The following PDZRN4 variants were observed in gnomAD, a reference collection of about 807,000 sequenced individuals.
The protein encoded by PDZRN4 is PDZ domain containing ring finger 4.
A neutral mutation model predicts 99.0 loss-of-function variants in PDZRN4; 70 were observed. The observed-to-expected ratio is 0.71, with a 90% CI of 0.58 to 0.86. The LOEUF is 0.86. PDZRN4 is among the 40% of genes least tolerant of loss of function. PDZRN4 has a pLI of 0.00. For synonymous variants in PDZRN4, 551 were observed against 501.6 expected (o/e 1.10, Z -1.32); for missense variants, 1,474 against 1,331.2 (o/e 1.11, Z -1.67).
intron 3 of PDZRN4, among the ~76,000 whole-genome samples, chr12:41,234,843 T>C (rs1237245628): frequency 2.0e-5 from 3 of 152,100 alleles, no homozygotes; most frequent in Admixed American, 6.6e-5. Context: ...TGTCTCAGCC[T>C]TCAAAGATGA....
intron 3 of PDZRN4, among the ~76,000 whole-genome samples, chr12:41,303,235 A>G (rs1951548781): frequency 6.6e-6 from 1 of 152,150 alleles, no homozygotes; most frequent in African/African-American, 2.4e-5. Flanking sequence ...CAGTAAAACC[A>G]CCAGTCAGAC....
chr12:41,276,249 G>A (rs868406828), intron 3 of PDZRN4, among the ~76,000 whole-genome samples: 1 of 152,080 alleles, frequency 6.6e-6, no homozygotes, highest in African/African-American at 2.4e-5. Flanking sequence ...TATGGAAGGT[G>A]GTGGGGAGAT....
intron 3 of PDZRN4, among the ~76,000 whole-genome samples, chr12:41,341,127 A>C (rs139190682): frequency 1.0e-3 from 156 of 151,360 alleles, no homozygotes; most frequent in African/African-American, 3.1e-3. Flanking sequence ...CAATAGATGC[A>C]GAGAAAGCAT....
chr12:41,529,434 G>C (rs1470658054), intron 5 of PDZRN4, among the ~76,000 whole-genome samples: 1 of 152,166 alleles, frequency 6.6e-6, no homozygotes, highest in African/African-American at 2.4e-5. Context: ...GAGCACTTTA[G>C]TGCTACCATA....
intron 3 of PDZRN4, among the ~76,000 whole-genome samples, chr12:41,229,272 C>T (rs909206639): frequency 6.6e-6 from 1 of 151,732 alleles, no homozygotes; most frequent in East Asian, 2.0e-4. Context: ...CACTATGGCA[C>T]ACCCCAGAAT....
intron 3 of PDZRN4, among the ~76,000 whole-genome samples, chr12:41,197,920 G>GTTTTTTTTTTTTTTTTTTTTTTTTT (rs533696414): frequency 1.5e-4 from 17 of 115,614 alleles, no homozygotes; most frequent in Admixed American, 3.9e-4. Flanking sequence ...TTTTTTCTGG[G>GTTTTTTTTTTTTTTTTTTTTTTTTT]TTTTTTTTTT....
rs760715435 is a variant in PDZRN4, at chr12:41,380,395, G to A, written c.844-126061G>A. On this transcript the variant is annotated intron_variant, in intron 3 of 9. Coordinates refer to ENST00000402685, the MANE Select transcript of PDZRN4 (RefSeq NM_001164595.2). ...TTTTGCTGATTGTTTTCTGACTGTC[G>A]TTAATTTCCTTGTTCCTTTCTTCTT... is the stretch of plus-strand genomic sequence containing the variant. Among the ~76,000 whole-genome samples, 9 of 152,044 alleles carry A rather than the reference G, an allele frequency of 5.9e-5. No individual in the cohort carries two copies. The South Asian group carries it at 1.0e-3, about 18-fold the overall frequency.
chr12:41,251,723 C>T (rs1209956507), intron 3 of PDZRN4, among the ~76,000 whole-genome samples: 1 of 152,148 alleles, frequency 6.6e-6, no homozygotes, highest in Admixed American at 6.6e-5. Context: ...TCCCCTCTTA[C>T]CTGAGTCATT....
chr12:41,367,628 A>C (rs1952011154), intron 3 of PDZRN4, among the ~76,000 whole-genome samples: 1 of 152,068 alleles, frequency 6.6e-6, no homozygotes, highest in African/African-American at 2.4e-5. Flanking sequence ...CTTCATGAAC[A>C]CTTTCACAAG....
At chr12:41,457,430 T>C (rs1457383745) in intron 3 of PDZRN4, among the ~76,000 whole-genome samples, 2 of 152,242 alleles carry the variant, frequency 1.3e-5, no homozygotes, top group African/African-American at 4.8e-5. Context: ...GTTGCTGGAA[T>C]TTTAAAGACG....
At chr12:41,197,926 T>TTTTTTTTTTTTTTTTTTTTTTTTTTTG (rs1566352706) in intron 3 of PDZRN4, among the ~76,000 whole-genome samples, 1 of 140,796 alleles carries the variant, frequency 7.1e-6, no homozygotes, top group Non-Finnish European at 1.5e-5. Context: ...CTGGGTTTTT[T>TTTTTTTTTTTTTTTTTTTTTTTTTTTG]TTTTTGGAGA....
At chr12:41,271,269 T>C (rs1374988437) in intron 3 of PDZRN4, among the ~76,000 whole-genome samples, 2 of 152,118 alleles carry the variant, frequency 1.3e-5, no homozygotes, top group Non-Finnish European at 2.9e-5. Context: ...TCCAAGTTTA[T>C]TGTTTTATGA....
intron 3 of PDZRN4, among the ~76,000 whole-genome samples, chr12:41,223,766 G>A (rs2120731429): frequency 6.6e-6 from 1 of 152,294 alleles, no homozygotes. Flanking sequence ...TTTCTCTGTG[G>A]AATGGCACTG....
At chr12:41,368,809 G>C (rs900339588) in intron 3 of PDZRN4, among the ~76,000 whole-genome samples, 5 of 152,116 alleles carry the variant, frequency 3.3e-5, no homozygotes, top group Admixed American at 2.6e-4. Flanking sequence ...CAAGTGAAGA[G>C]CAGTCTGGGG....
At chr12:41,464,732 A>T (rs2120545833) in intron 3 of PDZRN4, among the ~76,000 whole-genome samples, 1 of 152,206 alleles carries the variant, frequency 6.6e-6, no homozygotes, top group Non-Finnish European at 1.5e-5. Context: ...GACAATGAAG[A>T]CATTATGTGA....
intron 3 of PDZRN4, among the ~76,000 whole-genome samples, chr12:41,500,795 G>A (rs894014023): frequency 6.6e-6 from 1 of 152,104 alleles, no homozygotes; most frequent in African/African-American, 2.4e-5. Context: ...GATTGTATAT[G>A]ACAAGTGTTT....
At chr12:41,281,176 C>T (rs1461446717) in intron 3 of PDZRN4, among the ~76,000 whole-genome samples, 1 of 151,428 alleles carries the variant, frequency 6.6e-6, no homozygotes, top group East Asian at 1.9e-4. Context: ...TCAACATCAA[C>T]AAAACAGATG....
intron 5 of PDZRN4, among the ~76,000 whole-genome samples, chr12:41,546,597 T>C (rs759376539): frequency 4.6e-5 from 7 of 152,198 alleles, no homozygotes; most frequent in Non-Finnish European, 7.3e-5. Flanking sequence ...CTTGTGTTTT[T>C]CAGTTTCCTA....
chr12:41,188,846 G>C lies in PDZRN4; in HGVS notation c.391G>C (p.Gly131Arg). ...GLGGGEVPAR[G>R]GCGPTPRAGR... ...GGGCGGTGGTGAGGTGCCCGCGCGG[G>C]GGGGCTGCGGTCCGACACCCAGGGC... The change falls in exon 1 of 10, where the codon GGG (glycine) becomes CGG (arginine). Residue 131 changes from glycine (G) to arginine (R), a missense_variant. Gly to Arg is a moderately radical substitution (Grantham distance 125). Transcript: ENST00000402685. 7.9e-7 allele frequency: 1 copy of C among 1,263,714 alleles called. No individual in the cohort carries two copies. The highest frequency in any genetic ancestry group is 3.3e-5 in the East Asian group (1 of 30,728). 78.3% of individuals were successfully genotyped at this position (1,263,714 alleles called of 1,614,324 possible). A position where few individuals can be genotyped will look rare whatever the true frequency, so the allele number is the denominator to read the frequency against.
Sources: gnomAD v4.1 joint callset for allele counts (sites outside exome capture counted in the v4.1 genomes callset) on GRCh38, gnomAD v4.1.1 for gene constraint, MANE v1.5 for transcripts, NCBI Gene and HGNC (gene_info 2026-07-23, HGNC 2026-07-21) for gene names.